The following TTN variants were observed in gnomAD, a reference collection of about 807,000 sequenced individuals.
TTN encodes the protein titin, also known as connectin.
Under a neutral mutation model 3,223.0 loss-of-function variants are expected in TTN, and 1,525 were observed. The ratio of observed to expected loss-of-function variants is 0.47; its 90% CI spans 0.45 to 0.49. The LOEUF is 0.49. Among genes scored for constraint, TTN ranks in the 20% least tolerant of loss-of-function variants. The pLI, the probability that TTN is intolerant of heterozygous loss-of-function variation, is 0.00. For synonymous variants in TTN, 14,094 were observed against 15,161.0 expected (o/e 0.93, Z 5.17); for missense variants, 40,786 against 43,424.0 (o/e 0.94, Z 5.40).
intron 34 of TTN, 154 bp from the exon 35 acceptor site, chr2:178,770,829 A>G (rs2091363365): frequency 2.0e-6 from 2 of 1,008,370 alleles, no homozygotes; most frequent in Non-Finnish European, 3.1e-6. Context: ...AACACCTGAG[A>G]TTATTTAGGG....
chr2:178,803,090 C>G (rs1383056367), intron 2 of TTN, among the ~76,000 whole-genome samples: 1 of 152,188 alleles, frequency 6.6e-6, no homozygotes, highest in East Asian at 1.9e-4. Flanking sequence ...GAGGCACATT[C>G]AGGGCATGAT....
At chr2:178,684,113 G>T (rs1236659093) in intron 132 of TTN, 31 bp from the exon 133 acceptor site, 1 of 1,606,222 alleles carries the variant, frequency 6.2e-7, no homozygotes, top group African/African-American at 1.3e-5. Context: ...TTAAAGTATT[G>T]TTTCCCTCTT....
intron 49 of TTN, among the ~76,000 whole-genome samples, chr2:178,737,155 A>G (rs754715561): frequency 6.6e-6 from 1 of 152,146 alleles, no homozygotes; most frequent in Non-Finnish European, 1.5e-5. Flanking sequence ...GAAAGAAGGT[A>G]GGAAGAAAGG....
At chr2:178,606,876 C>G (rs2055012755) in intron 278 of TTN, 145 bp downstream of exon 278, 1 of 851,714 alleles carries the variant, frequency 1.2e-6, no homozygotes, top group Non-Finnish European at 1.7e-6. Flanking sequence ...TTTAATGTTG[C>G]TAATAGTTTT....
intron 46 of TTN, 21 bp from the exon 47 acceptor site, chr2:178,753,201 A>G (rs774735698): frequency 6.3e-7 from 1 of 1,583,468 alleles, no homozygotes. Flanking sequence ...AAAACATATA[A>G]AGAGATTTTA....
At chr2:178,768,548 T>G in intron 38 of TTN, 125 bp downstream of exon 38, 1 of 1,387,354 alleles carries the variant, frequency 7.2e-7, no homozygotes, top group East Asian at 2.4e-5. Context: ...TCCTTTTTAT[T>G]GCTGAATGAT....
chr2:178,674,999 G>A (rs767475081), intron 150 of TTN, 40 bp downstream of exon 150: 1 of 1,254,634 alleles, frequency 8.0e-7, no homozygotes, highest in Non-Finnish European at 1.1e-6. Context: ...AATAAGACAA[G>A]GATGACTTTG....
chr2:178,576,320 T>C lies in TTN; in HGVS notation c.69812A>G (p.Glu23271Gly), dbSNP rs779955364. ...WGKPHYDGGL[E>G]ITGYVVEHQK... ...ATGCTCCACGACATAGCCAGTGATTTCAAGTCCACCATCATAATGAGGCTT... is the reference window on the plus strand; with the variant it reads ...ATGCTCCACGACATAGCCAGTGATTCCAAGTCCACCATCATAATGAGGCTT... Residue 23271 changes from glutamate to glycine, a missense_variant, in exon 326 of 363, where the codon GAA becomes GGA. Transcript: ENST00000589042. The surrounding 1 kb of genome is among the most constrained non-coding windows in gnomAD (Gnocchi z 4.3). 2 of 1,571,840 alleles carry C rather than the reference T, an allele frequency of 1.3e-6. No homozygotes were observed. Among genetic ancestry groups the C allele is most frequent in the Non-Finnish European group, 1.7e-6 (2 of 1,163,190 alleles).
chr2:178,764,588 A>G lies in TTN; in HGVS notation c.9927T>C (p.Tyr3309=). Residue 3309 remains tyrosine, a synonymous_variant, in exon 42 of 363, where the codon TAT becomes TAC. Coordinates refer to ENST00000589042, the MANE Select transcript of TTN (RefSeq NM_001267550.2). ...IEAFPEDAAV[Y]TCEAKNDYGV... ...CATAGTCATTCTTGGCTTCACAGGT[A>G]TAGACTGCCGCATCCTCTGGGAAGG... The G allele has an allele frequency of 6.2e-7, 1 of 1,614,160 alleles. No individual in the cohort carries two copies. Among genetic ancestry groups the G allele is most frequent in the Non-Finnish European group, 8.5e-7 (1 of 1,180,004 alleles).
At position 178,717,928 on chromosome 2, in the gene TTN, AAAC is replaced by A. The variant is rs2154299254; in HGVS notation, c.25063+12_25063+14del. 1 of 1,607,592 alleles carries A rather than the reference AAAC, an allele frequency of 6.2e-7. No individual in the cohort carries two copies. Among genetic ancestry groups the A allele is most frequent in the East Asian group, 2.2e-5 (1 of 44,766 alleles). ...TGAATCTGTTCACACACACTAGGTTAAACAACACCATCACCTTTGATAACAAGC... is the reference window on the plus strand; with the variant it reads ...TGAATCTGTTCACACACACTAGGTTAAACACCATCACCTTTGATAACAAGC... On this transcript the variant is annotated intron_variant, in intron 86 of 362. Coordinates refer to ENST00000589042, the MANE Select transcript of TTN (RefSeq NM_001267550.2).
At position 178,786,115 on chromosome 2, in the gene TTN, A is replaced by G. The variant is rs2093159174; in HGVS notation, c.2103T>C (p.Ala701=). The G allele has an allele frequency of 1.9e-6, 3 of 1,613,958 alleles. No individual in the cohort carries two copies. The highest frequency in any genetic ancestry group is 2.5e-6 in the Non-Finnish European group (3 of 1,179,990). Residue 701 remains alanine (A), a synonymous_variant, in exon 14 of 363, where the codon GCT becomes GCC. Coordinates refer to ENST00000589042, the MANE Select transcript of TTN (RefSeq NM_001267550.2). ...CTACTGCAGCAACAACTGTTGCTAC[A>G]GCTTCAGCCTTTTTTCCAACGTCCA... The part of the protein sequence containing the change: ...GKVDVGKKAE[A]VATVVAAVDQ...
At chr2:178,630,098 G>T in intron 239 of TTN, 143 bp downstream of exon 239, 1 of 1,192,030 alleles carries the variant, frequency 8.4e-7, no homozygotes, top group Non-Finnish European at 1.2e-6. Context: ...GTATTGGAAT[G>T]TCAAAGTGGC....
chr2:178,554,082 T>G lies in TTN; in HGVS notation c.89029A>C (p.Ser29677Arg). The G allele has an allele frequency of 6.2e-7, 1 of 1,613,864 alleles. No individual in the cohort carries two copies. Among genetic ancestry groups the G allele is most frequent in the Non-Finnish European group, 8.5e-7 (1 of 1,179,806 alleles). ...TTTAGTACTTTAAACCATCCTAGGC[T>G]CTTCTTGTCTCGTTTTTCAAGGAAA... ...GYFLEKRDKK[S>R]LGWFKVLKET... Residue 29677 changes from serine to arginine, a missense_variant, in exon 333 of 363, where the codon AGC (serine) becomes CGC (arginine). Ser to Arg is a moderately radical substitution (Grantham distance 110, BLOSUM62 -1). Transcript: ENST00000589042.
At position 178,553,379 on chromosome 2, in the gene TTN, G is replaced by A; in HGVS notation, c.89521C>T (p.Leu29841=). Residue 29841 remains leucine, a synonymous_variant, in exon 335 of 363, where the codon CTG becomes TTG. Transcript: ENST00000589042. ...ACAGAAGTTCTGAGAGCCACATCCA[G>A]GTCAATCTCTGGTGCCTCTGTAGAC... ...KDILEAPEID[L]DVALRTSVIA... is the part of the protein sequence containing the mutation. The A allele has an allele frequency of 6.3e-7, 1 of 1,595,182 alleles. No individual in the cohort carries two copies. The highest frequency in any genetic ancestry group is 8.5e-7 in the Non-Finnish European group (1 of 1,171,292).
rs1157011296 is a variant in TTN, at chr2:178,720,634, G to A, written c.23128C>T (p.Pro7710Ser). The A allele has an allele frequency of 1.2e-6, 2 of 1,604,078 alleles. No homozygotes were observed. Among genetic ancestry groups the A allele is most frequent in the Non-Finnish European group, 1.7e-6 (2 of 1,175,944 alleles). ...APPVFTQKPS[P>S]VGALKGSDVI... ...TCAGAACCTTTAAGAGCTCCTACTG[G>A]AGAAGGCTTCTGGGTGAAAACAGGA... The change falls in exon 80 of 363, where the codon CCA becomes TCA. Residue 7710 changes from proline to serine, a missense_variant. Pro to Ser is a moderately conservative substitution (Grantham distance 74, BLOSUM62 -1). Transcript: ENST00000589042.
intron 165 of TTN, 94 bp from the exon 166 acceptor site, chr2:178,665,020 C>T: frequency 7.3e-7 from 1 of 1,371,512 alleles, no homozygotes; most frequent in Non-Finnish European, 1.0e-6. Flanking sequence ...ACATTTTCTT[C>T]TCTTTCCTCC....
chr2:178,545,859 G>C lies in TTN; in HGVS notation c.95377C>G (p.Pro31793Ala). The C allele has an allele frequency of 1.2e-6, 2 of 1,613,734 alleles. No homozygotes were observed. The highest frequency in any genetic ancestry group is 1.7e-6 in the Non-Finnish European group (2 of 1,179,730). ...GCTACAATTGGCTCTGATTCAACAG[G>C]CACACCAGGGCCATATTTGTTTACT... ...RAVNKYGPGV[P>A]VESEPIVARN... The change falls in exon 343 of 363, where the codon CCT becomes GCT. Residue 31793 changes from proline to alanine, a missense_variant. Pro to Ala is a conservative substitution (Grantham distance 27, BLOSUM62 -1). Coordinates refer to ENST00000589042, the MANE Select transcript of TTN (RefSeq NM_001267550.2).
chr2:178,647,158 A>G lies in TTN; in HGVS notation c.40142-14T>C, dbSNP rs1280317432. On this transcript the variant is annotated splice_polypyrimidine_tract_variant and intron_variant, in intron 214 of 362. Coordinates refer to ENST00000589042, the MANE Select transcript of TTN (RefSeq NM_001267550.2). ...GAGTCTCTTCAACTTTAAAAAACAT[A>G]GTATTTTATTTTAGACTATATTTAG... is the stretch of plus-strand genomic sequence containing the variant. 3.7e-6 allele frequency: 5 copies of G among 1,355,256 alleles called. No individual in the cohort carries two copies. Among genetic ancestry groups the G allele is most frequent in the Non-Finnish European group, 4.9e-6 (5 of 1,017,626 alleles). 84.0% of individuals were successfully genotyped at this position (1,355,256 alleles called of 1,614,324 possible). A position where few individuals can be genotyped will look rare whatever the true frequency, so the allele number is the denominator to read the frequency against.
At chr2:178,670,560 T>A (rs1489245160) in intron 156 of TTN, among the ~76,000 whole-genome samples, 2 of 151,990 alleles carry the variant, frequency 1.3e-5, no homozygotes, top group African/African-American at 4.8e-5. Context: ...TATTACTGTT[T>A]GTTTTTGTGG....
Sources: allele counts gnomAD v4.1 joint callset (sites outside exome capture counted in the v4.1 genomes callset), GRCh38; gene constraint gnomAD v4.1.1; non-coding constraint Gnocchi (gnomAD v3.1); transcripts MANE v1.5; gene names NCBI Gene and HGNC (gene_info 2026-07-23, HGNC 2026-07-21).